The following TMEM187 variants were observed in gnomAD, a reference collection of about 807,000 sequenced individuals.
TMEM187 encodes the protein chromosome X open reading frame 12.
A neutral mutation model predicts 11.8 loss-of-function variants in TMEM187; 14 were observed. The ratio of observed to expected loss-of-function variants is 1.18; its 90% CI spans 0.78 to 1.85. The LOEUF is 1.85. TMEM187 is among the 40% of genes most tolerant of loss of function. The pLI is 0.00. For missense variants in TMEM187, 227 were observed against 243.9 expected (o/e 0.93, Z 0.46); for synonymous variants, 112 against 118.5 (o/e 0.95, Z 0.36).
Position 153,982,916 on chromosome X carries a change from G to A in TMEM187, c.*68G>A, listed in dbSNP as rs962953821. 8.3e-7 allele frequency: 1 copy of A among 1,205,679 alleles called. No individual in the cohort carries two copies. The highest frequency in any genetic ancestry group is 1.1e-6 in the Non-Finnish European group (1 of 892,209). ...GAAATGGACTCTGAGATGGCAGCGT[G>A]GTGCCAGTGTCAGACATCCTGTGTG... On this transcript the variant is annotated 3_prime_UTR_variant, in exon 2 of 2. Coordinates refer to ENST00000369982, the MANE Select transcript of TMEM187 (RefSeq NM_003492.3).
At chrX:153,973,832 T>G (rs1557121088) in intron 1 of TMEM187, among the ~76,000 whole-genome samples, 2 of 112,154 alleles carry the variant, frequency 1.8e-5, no homozygotes. Context: ...GCGGGGGACA[T>G]AACTAACCAT....
intron 1 of TMEM187, among the ~76,000 whole-genome samples, chrX:153,977,946 G>A (rs1449418675): frequency 9.3e-6 from 1 of 108,100 alleles, no homozygotes; most frequent in South Asian, 4.0e-4. Flanking sequence ...GGCCAGGCAC[G>A]GTGGCTCATG....
At chrX:153,979,727 C>G (rs782737250) in intron 1 of TMEM187, among the ~76,000 whole-genome samples, 38 of 70,719 alleles carry the variant, frequency 5.4e-4, no homozygotes, top group Admixed American at 2.8e-3. Flanking sequence ...GAGACCCTGT[C>G]TCTACAATTT....
chrX:153,981,403 G>A (rs1557122378), intron 1 of TMEM187, among the ~76,000 whole-genome samples: 1 of 111,737 alleles, frequency 8.9e-6, no homozygotes, highest in Non-Finnish European at 1.9e-5. Flanking sequence ...TTGCCTCCCG[G>A]CCTGGTGCTT....
chrX:153,982,560 A>G lies in TMEM187; in HGVS notation c.498A>G (p.Ala166=). Residue 166 remains alanine (A), a synonymous_variant, in exon 2 of 2, where the codon GCA becomes GCG. Transcript: ENST00000369982. ...ALLHPQGFEV[A]LGAHVVAAVG... is the part of the protein sequence containing the mutation. ...TGCATCCCCAGGGCTTCGAGGTCGC[A>G]CTGGGTGCTCACGTGGTGGCCGCTG... The G allele has an allele frequency of 8.3e-7, 1 of 1,209,823 alleles. No homozygotes were observed. Among genetic ancestry groups the G allele is most frequent in the Non-Finnish European group, 1.1e-6 (1 of 895,487 alleles).
chrX:153,975,989 A>G (rs2065576440), intron 1 of TMEM187, among the ~76,000 whole-genome samples: 1 of 110,297 alleles, frequency 9.1e-6, no homozygotes, highest in Admixed American at 9.7e-5. Flanking sequence ...TAAGTCTTTA[A>G]TCCATGTTGA....
At chrX:153,976,434 G>C (rs1397564459) in intron 1 of TMEM187, among the ~76,000 whole-genome samples, 2 of 111,990 alleles carry the variant, frequency 1.8e-5, no homozygotes, top group East Asian at 5.5e-4. Context: ...GGGAGGCTGA[G>C]GCAGGAGAAT....
rs782684563 is a variant in TMEM187 at position 153,982,388 on chromosome X, G to A, written c.326G>A (p.Arg109His). 6.7e-6 allele frequency: 8 copies of A among 1,197,895 alleles called. No homozygotes were observed. Among genetic ancestry groups the A allele is most frequent in the Non-Finnish European group, 6.7e-6 (6 of 891,612 alleles). Reference sequence around the variant, plus strand: ...TGGCTGCGCCTGTGGACGCAGTGGCGCCGTGCCGCGGTGCTGGACCAGTGG... The same window carrying A: ...TGGCTGCGCCTGTGGACGCAGTGGCACCGTGCCGCGGTGCTGGACCAGTGG... ...VQWLRLWTQW[R>H]RAAVLDQWLT... Residue 109 changes from arginine to histidine, a missense_variant, in exon 2 of 2, where the codon CGC (arginine) becomes CAC (histidine). Transcript: ENST00000369982.
intron 1 of TMEM187, 59 bp downstream of exon 1, chrX:153,972,919 C>T (rs2065558591): frequency 8.6e-6 from 1 of 116,459 alleles, no homozygotes. Flanking sequence ...CGTTTCGCCT[C>T]CTCTAGGAGG....
intron 1 of TMEM187, among the ~76,000 whole-genome samples, chrX:153,974,519 C>CT (rs1297849991): frequency 1.8e-5 from 2 of 112,362 alleles, no homozygotes; most frequent in Non-Finnish European, 3.8e-5. Context: ...GGGGATGGCA[C>CT]TTTAAGTCTG....
Position 153,981,910 on chromosome X carries a change from C to T in TMEM187, c.-153C>T, listed in dbSNP as rs1413218501. ...AATCAGCAGGACTCCTGCCTTCCTTCGGGGCAAGGTCGCAGCATCTGCCTC... is the reference window on the plus strand; with the variant it reads ...AATCAGCAGGACTCCTGCCTTCCTTTGGGGCAAGGTCGCAGCATCTGCCTC... On this transcript the variant is annotated 5_prime_UTR_variant, in exon 2 of 2. Transcript: ENST00000369982. The T allele has an allele frequency of 3.0e-6, 3 of 1,016,191 alleles. No individual in the cohort carries two copies. Among genetic ancestry groups the T allele is most frequent in the Non-Finnish European group, 4.0e-6 (3 of 748,324 alleles). 83.7% of individuals were successfully genotyped at this position (1,016,191 alleles called of 1,213,427 possible). A position where few individuals can be genotyped will look rare whatever the true frequency, so the allele number is the denominator to read the frequency against.
Position 153,981,956 on chromosome X carries a change from G to T in TMEM187, c.-107G>T. On this transcript the variant is annotated 5_prime_UTR_variant, in exon 2 of 2. Coordinates refer to ENST00000369982, the MANE Select transcript of TMEM187 (RefSeq NM_003492.3). Reference sequence around the variant, plus strand: ...GCCTCGGAAATCACGAAATCACGGGGCTTCTTTCTGCTGGCTCAGCCGGGA... The same window carrying T: ...GCCTCGGAAATCACGAAATCACGGGTCTTCTTTCTGCTGGCTCAGCCGGGA... 2.6e-6 allele frequency: 3 copies of T among 1,169,779 alleles called. No individual in the cohort carries two copies. The highest frequency in any genetic ancestry group is 2.3e-6 in the Non-Finnish European group (2 of 867,072).
chrX:153,977,748 T>TA (rs1161967794), intron 1 of TMEM187, among the ~76,000 whole-genome samples: 4 of 103,527 alleles, frequency 3.9e-5, no homozygotes, highest in African/African-American at 1.4e-4. Context: ...CTGTCTCTAC[T>TA]AAAAAAAATA....
Position 153,982,540 on chromosome X carries a change from C to G in TMEM187, c.478C>G (p.Pro160Ala), listed in dbSNP as rs200496420. Residue 160 changes from proline to alanine, a missense_variant, in exon 2 of 2, where the codon CCC (proline) becomes GCC (alanine). By Grantham distance (27) the Pro-to-Ala change is conservative. Transcript: ENST00000369982. ...LASYGLALLH[P>A]QGFEVALGAH... ...CAGTTATGGCCTCGCTCTGCTGCATCCCCAGGGCTTCGAGGTCGCACTGGG... is the reference window on the plus strand; with the variant it reads ...CAGTTATGGCCTCGCTCTGCTGCATGCCCAGGGCTTCGAGGTCGCACTGGG... 8.3e-7 allele frequency: 1 copy of G among 1,206,865 alleles called. No individual in the cohort carries two copies. Among genetic ancestry groups the G allele is most frequent in the East Asian group, 3.0e-5 (1 of 33,801 alleles).
chrX:153,982,742 TC>T lies in TMEM187; in HGVS notation c.681del (p.Trp228GlyfsTer17), dbSNP rs1569547274. The T allele has an allele frequency of 8.2e-7, 1 of 1,212,408 alleles. No individual in the cohort carries two copies. The highest frequency in any genetic ancestry group is 1.8e-5 in the South Asian group (1 of 57,037). On this transcript the variant is annotated frameshift_variant, in exon 2 of 2. Coordinates refer to ENST00000369982, the MANE Select transcript of TMEM187 (RefSeq NM_003492.3). LOFTEE classifies it high-confidence loss of function. ...WRLFQCLTGH[F>X]WSKVCDVLQF... ...CTCTTCCAGTGCCTCACAGGCCACT[TC>T]TGGTCCAAGGTCTGTGACGTGCTCC...
At chrX:153,976,538 A>C (rs1340048137) in intron 1 of TMEM187, among the ~76,000 whole-genome samples, 2 of 109,790 alleles carry the variant, frequency 1.8e-5, no homozygotes, top group Non-Finnish European at 3.8e-5. Flanking sequence ...CTCAAAAAAA[A>C]CCAAAACCAA....
chrX:153,974,136 G>C (rs2266887), intron 1 of TMEM187, among the ~76,000 whole-genome samples: 3 of 110,836 alleles, frequency 2.7e-5, no homozygotes, highest in Non-Finnish European at 3.8e-5. Flanking sequence ...TTGATTACAT[G>C]GTCACTGTCA....
Position 153,982,339 on chromosome X carries a change from G to T in TMEM187, c.277G>T (p.Ala93Ser). Reference protein sequence around the residue: ...RYLKDVFAAMALLYGPVQWLR... With the variant: ...RYLKDVFAAMSLLYGPVQWLR... ...CCTGAAGGACGTGTTCGCAGCCATG[G>T]CCCTGCTCTATGGCCCCGTGCAGTG... is the stretch of plus-strand genomic sequence containing the variant. Residue 93 changes from alanine (A) to serine (S), a missense_variant, in exon 2 of 2, where the codon GCC becomes TCC. By Grantham distance (99) the Ala-to-Ser change is moderately conservative (BLOSUM62 1). Coordinates refer to ENST00000369982, the MANE Select transcript of TMEM187 (RefSeq NM_003492.3). 8.3e-7 allele frequency: 1 copy of T among 1,208,442 alleles called. No homozygotes were observed.
intron 1 of TMEM187, among the ~76,000 whole-genome samples, chrX:153,979,775 C>T (rs1396602839): frequency 2.1e-5 from 2 of 96,022 alleles, no homozygotes; most frequent in African/African-American, 3.8e-5. Flanking sequence ...CGCGCTCTGT[C>T]GCCCAGGTTG....
Sources: gnomAD v4.1 joint callset for allele counts (sites outside exome capture counted in the v4.1 genomes callset) on GRCh38, gnomAD v4.1.1 for gene constraint, MANE v1.5 for transcripts, NCBI Gene and HGNC (gene_info 2026-07-23, HGNC 2026-07-21) for gene names.